CLASP2: variants seen among roughly 807,000 people sequenced by gnomAD.
CLASP2 encodes the protein CLIP-associating protein 2.
In CLASP2, 47 loss-of-function variants were observed where a neutral mutation model predicts 194.4. The observed-to-expected ratio is 0.24, with a 90% CI of 0.19 to 0.31. The LOEUF is 0.31. Among genes scored for constraint, CLASP2 ranks in the 10% least tolerant of loss-of-function variants. The pLI, the probability that CLASP2 is intolerant of heterozygous loss-of-function variation, is 1.00. For missense variants in CLASP2, 1,445 were observed against 1,823.6 expected (o/e 0.79, Z 3.78); for synonymous variants, 619 against 633.5 (o/e 0.98, Z 0.34).
intron 9 of CLASP2, among the ~76,000 whole-genome samples, chr3:33,631,903 A>G (rs1414447390): frequency 6.6e-6 from 1 of 152,160 alleles, no homozygotes; most frequent in African/African-American, 2.4e-5. Flanking sequence ...TATGTACAAT[A>G]TAACATTTAT....
At chr3:33,630,954 A>C (rs2078985193) in intron 9 of CLASP2, among the ~76,000 whole-genome samples, 1 of 152,248 alleles carries the variant, frequency 6.6e-6, no homozygotes, top group Admixed American at 6.5e-5. Context: ...CTATTATTTA[A>C]AAAGTATCTT....
chr3:33,645,549 G>C, intron 7 of CLASP2: 1 of 437,558 alleles, frequency 2.3e-6, no homozygotes. Flanking sequence ...CCAGATGAAA[G>C]GTAAAAATTC....
intron 18 of CLASP2, among the ~76,000 whole-genome samples, chr3:33,600,994 C>T (rs1349458551): frequency 5.7e-5 from 8 of 139,596 alleles, no homozygotes; most frequent in South Asian, 4.5e-4. Flanking sequence ...AGTCTTGCTC[C>T]GTCCCTCAGG....
chr3:33,538,246 TTG>T (rs771971408), intron 33 of CLASP2, among the ~76,000 whole-genome samples: 97 of 152,346 alleles, frequency 6.4e-4, no homozygotes, highest in Non-Finnish European at 1.0e-3. Context: ...TATACAAAGC[TTG>T]TTCCCATCTA....
chr3:33,632,433 C>A, intron 8 of CLASP2, 62 bp from the exon 9 acceptor site: 1 of 1,140,898 alleles, frequency 8.8e-7, no homozygotes. Context: ...ACATTAATGA[C>A]AACATGAAAA....
intron 1 of CLASP2, among the ~76,000 whole-genome samples, chr3:33,707,769 C>A (rs2092761854): frequency 6.6e-6 from 1 of 152,176 alleles, no homozygotes; most frequent in Non-Finnish European, 1.5e-5. Context: ...AACATCATTA[C>A]ACGAATGAAA....
chr3:33,561,161 A>T (rs757101031), intron 27 of CLASP2, among the ~76,000 whole-genome samples, 190 bp from the exon 28 acceptor site: 3 of 152,236 alleles, frequency 2.0e-5, no homozygotes, highest in Non-Finnish European at 4.4e-5. Context: ...CTGTTATCCA[A>T]CTTCTGCAGA....
At chr3:33,606,495 A>T in intron 16 of CLASP2, 96 bp downstream of exon 16, 1 of 917,880 alleles carries the variant, frequency 1.1e-6, no homozygotes. Context: ...TCAAGGCTTT[A>T]GGTGAAAGCA....
At chr3:33,579,694 C>T (rs958412930) in intron 23 of CLASP2, among the ~76,000 whole-genome samples, 2 of 152,070 alleles carry the variant, frequency 1.3e-5, no homozygotes, top group African/African-American at 2.4e-5. Flanking sequence ...GAGTTTTTCA[C>T]GTATTTCTCA....
intron 33 of CLASP2, 104 bp downstream of exon 33, chr3:33,538,685 C>A: frequency 1.1e-6 from 1 of 934,044 alleles, no homozygotes; most frequent in Non-Finnish European, 1.5e-6. Flanking sequence ...AGTGACTGAT[C>A]CCTAGAAAAG....
chr3:33,641,668 C>G (rs538574039), intron 8 of CLASP2, among the ~76,000 whole-genome samples: 30 of 151,914 alleles, frequency 2.0e-4, no homozygotes, highest in African/African-American at 6.5e-4. Flanking sequence ...CAGCCCTAAT[C>G]TGGATATATA....
chr3:33,547,111 G>A (rs1033245824), intron 30 of CLASP2, among the ~76,000 whole-genome samples: 5 of 152,132 alleles, frequency 3.3e-5, no homozygotes, highest in African/African-American at 7.2e-5. Context: ...AATCCCTCTT[G>A]GTCATTGATA....
Position 33,606,612 on chromosome 3 carries a change from G to A in CLASP2, c.1673C>T (p.Ser558Phe). ...TTACTTGAGACTTTCCTGTGAGCTG[G>A]ATGAGGACCTGTCTGATTGTGGAAG... Reference protein sequence around the residue: ...ASLPQSDRSSSSSQESLNRPF... With the variant: ...ASLPQSDRSSFSSQESLNRPF... The change falls in exon 16 of 39, where the codon TCC becomes TTC. Residue 558 changes from serine to phenylalanine, a missense_variant. Around this residue, in one of 4 missense-constraint regions of CLASP2, gnomAD observed 174 missense variants for 179.0 expected, o/e 0.97. Transcript: ENST00000682230. The A allele has an allele frequency of 1.2e-6, 2 of 1,613,594 alleles. No homozygotes were observed. Among genetic ancestry groups the A allele is most frequent in the Non-Finnish European group, 1.7e-6 (2 of 1,179,694 alleles).
Position 33,544,839 on chromosome 3 carries a change from T to G in CLASP2, c.3156A>C (p.Ala1052=), listed in dbSNP as rs767821068. Residue 1052 remains alanine, a splice_region_variant and synonymous_variant, in exon 31 of 39, where the codon GCA becomes GCC. Transcript: ENST00000682230. ...TEPKSSDVRK[A]AQSVLISLFE... ...ATAATGAAATCAGCACTGACTGTGC[T>G]GCCTAAAAAACAAAGGCATACAGTA... 6.3e-7 allele frequency: 1 copy of G among 1,599,448 alleles called. No individual in the cohort carries two copies. The highest frequency in any genetic ancestry group is 8.5e-7 in the Non-Finnish European group (1 of 1,174,532).
intron 30 of CLASP2, among the ~76,000 whole-genome samples, chr3:33,549,004 C>G (rs1228581154): frequency 6.6e-6 from 1 of 151,676 alleles, no homozygotes; most frequent in South Asian, 2.1e-4. Flanking sequence ...GACTCCCAGC[C>G]TCAAGTGATC....
At chr3:33,510,418 T>TA (rs1464228376) in intron 37 of CLASP2, 140 bp downstream of exon 37, 17 of 734,528 alleles carry the variant, frequency 2.3e-5, no homozygotes, top group Non-Finnish European at 3.8e-5. Context: ...CCTGGCTAGT[T>TA]ATGAAAAGTC....
Position 33,672,009 on chromosome 3 carries a change from G to C in CLASP2, c.645-8494C>G, listed in dbSNP as rs1307334753. On this transcript the variant is annotated intron_variant, in intron 6 of 38. Transcript: ENST00000682230. ...CTGCCTCTGTAGGCTCCACCTCTGG[G>C]GGCAGGGCACAGACAAACAAAAAGA... is the stretch of plus-strand genomic sequence containing the variant. Among the ~76,000 whole-genome samples, 4 of 152,314 alleles carry C rather than the reference G, an allele frequency of 2.6e-5. No individual in the cohort carries two copies. The East Asian group carries it at 7.7e-4, about 29-fold the overall frequency.
intron 21 of CLASP2, among the ~76,000 whole-genome samples, chr3:33,586,735 A>G (rs2067457076): frequency 6.6e-6 from 1 of 152,036 alleles, no homozygotes; most frequent in South Asian, 2.1e-4. Context: ...CATGAAAGCA[A>G]CCTTTTCCCT....
intron 36 of CLASP2, among the ~76,000 whole-genome samples, chr3:33,512,525 T>C (rs1575684162): frequency 3.5e-5 from 1 of 28,962 alleles, no homozygotes; most frequent in Non-Finnish European, 5.6e-5. Flanking sequence ...ACCTGCACAA[T>C]GTGCACATGT....
Sources: gnomAD v4.1 joint callset for allele counts (sites outside exome capture counted in the v4.1 genomes callset) on GRCh38, gnomAD v4.1.1 for gene constraint, gnomAD v4.1.1 regional missense constraint, MANE v1.5 for transcripts, NCBI Gene and HGNC (gene_info 2026-07-23, HGNC 2026-07-21) for gene names.